DCDC1: variants seen among roughly 807,000 people sequenced by gnomAD.
DCDC1 encodes doublecortin domain-containing protein 1.
A neutral mutation model predicts 178.3 loss-of-function variants in DCDC1; 200 were observed. The ratio of observed to expected loss-of-function variants is 1.12; its 90% CI spans 1.00 to 1.26. The LOEUF is 1.26. Ranked by LOEUF, DCDC1 falls within the 50% of genes most tolerant of loss-of-function variation. The probability of loss-of-function intolerance (pLI) is 0.00; values close to 1 mark genes in which losing one functional copy is unlikely to be tolerated. For synonymous variants in DCDC1, 690 were observed against 604.8 expected (o/e 1.14, Z -2.07); for missense variants, 1,983 against 1,749.2 (o/e 1.13, Z -2.38).
intron 20 of DCDC1, among the ~76,000 whole-genome samples, chr11:30,964,242 T>C (rs1350238225): frequency 6.6e-6 from 1 of 152,148 alleles, no homozygotes; most frequent in African/African-American, 2.4e-5. Flanking sequence ...AAGAGATGCT[T>C]ACACATTTGT....
intron 25 of DCDC1, among the ~76,000 whole-genome samples, chr11:30,920,428 G>A (rs903810532): frequency 6.6e-6 from 1 of 152,186 alleles, no homozygotes; most frequent in African/African-American, 2.4e-5. Context: ...ATATTAACAT[G>A]TGTCAACTTG....
intron 21 of DCDC1, among the ~76,000 whole-genome samples, chr11:30,936,419 C>A (rs1006334084): frequency 6.6e-6 from 1 of 152,102 alleles, no homozygotes; most frequent in African/African-American, 2.4e-5. Flanking sequence ...TTCTACCTTT[C>A]CAGAGGAAGG....
intron 6 of DCDC1, among the ~76,000 whole-genome samples, chr11:31,301,508 T>C (rs575394432): frequency 2.0e-5 from 3 of 152,296 alleles, no homozygotes; most frequent in Admixed American, 1.3e-4. Flanking sequence ...ATTTGTGCTT[T>C]TAACATAACA....
At chr11:31,360,001 A>T (rs1039624759) in intron 1 of DCDC1, among the ~76,000 whole-genome samples, 1 of 152,212 alleles carries the variant, frequency 6.6e-6, no homozygotes, top group African/African-American at 2.4e-5. Context: ...TGTTAAAAGG[A>T]TCAAATGAAA....
intron 20 of DCDC1, among the ~76,000 whole-genome samples, chr11:31,006,530 C>T (rs1398938069): frequency 1.3e-5 from 2 of 152,204 alleles, no homozygotes; most frequent in South Asian, 4.1e-4. Flanking sequence ...CATCTTCCTG[C>T]TCTGCCACTT....
intron 9 of DCDC1, among the ~76,000 whole-genome samples, chr11:31,188,427 A>G (rs1394256873): frequency 1.3e-5 from 2 of 152,176 alleles, no homozygotes; most frequent in African/African-American, 4.8e-5. Context: ...AACAAGACAA[A>G]GCCTCTGCTC....
intron 20 of DCDC1, among the ~76,000 whole-genome samples, chr11:31,040,438 T>C (rs1954367259): frequency 6.6e-6 from 1 of 152,160 alleles, no homozygotes; most frequent in Admixed American, 6.5e-5. Context: ...GAGATGCGCA[T>C]GCTGCTGGTG....
chr11:30,927,802 C>T (rs774829566), intron 22 of DCDC1, among the ~76,000 whole-genome samples: 1 of 151,978 alleles, frequency 6.6e-6, no homozygotes, highest in Non-Finnish European at 1.5e-5. Context: ...ATTAAATAAC[C>T]AAAGATAGCA....
chr11:30,996,825 A>C (rs1485959189), intron 20 of DCDC1, among the ~76,000 whole-genome samples: 1 of 152,248 alleles, frequency 6.6e-6, no homozygotes, highest in African/African-American at 2.4e-5. Flanking sequence ...CACATGGTCC[A>C]GCAATCACAC....
chr11:31,327,981 C>T (rs1486871743), intron 3 of DCDC1, 136 bp downstream of exon 3: 11 of 799,106 alleles, frequency 1.4e-5, no homozygotes, highest in Non-Finnish European at 1.7e-5. Context: ...CCACCTGCCT[C>T]GGCCTCCCAA....
intron 15 of DCDC1, among the ~76,000 whole-genome samples, chr11:31,097,252 T>C (rs1958222742): frequency 6.6e-6 from 1 of 152,240 alleles, no homozygotes; most frequent in Non-Finnish European, 1.5e-5. Flanking sequence ...CCTTCAATAT[T>C]CTTGTGCAAA....
chr11:30,981,712 G>T (rs375214311), intron 20 of DCDC1, among the ~76,000 whole-genome samples: 4 of 152,236 alleles, frequency 2.6e-5, no homozygotes, highest in East Asian at 3.9e-4. Flanking sequence ...AGGTGGAAAG[G>T]CTGTGTTTTA....
At chr11:31,345,659 A>C (rs1486908383) in intron 1 of DCDC1, among the ~76,000 whole-genome samples, 1 of 152,160 alleles carries the variant, frequency 6.6e-6, no homozygotes. Flanking sequence ...TAAAATTAAG[A>C]TTTATACTTC....
chr11:31,172,000 T>G (rs569006420), intron 9 of DCDC1, among the ~76,000 whole-genome samples: 5 of 152,276 alleles, frequency 3.3e-5, no homozygotes, highest in African/African-American at 1.2e-4. Context: ...ATATTTTACT[T>G]TATATAATAC....
intron 20 of DCDC1, among the ~76,000 whole-genome samples, chr11:31,016,916 T>C (rs1952513930): frequency 6.6e-6 from 1 of 152,202 alleles, no homozygotes; most frequent in Non-Finnish European, 1.5e-5. Context: ...TCTGGCTGAA[T>C]GCAGGAGAAA....
At chr11:30,934,663 C>G (rs1236289698) in intron 21 of DCDC1, among the ~76,000 whole-genome samples, 1 of 152,158 alleles carries the variant, frequency 6.6e-6, no homozygotes, top group African/African-American at 2.4e-5. Flanking sequence ...TTTCCCCAAG[C>G]ATCCTTATCC....
intron 20 of DCDC1, among the ~76,000 whole-genome samples, chr11:31,002,183 T>A (rs1016518702): frequency 6.6e-6 from 1 of 152,174 alleles, no homozygotes; most frequent in African/African-American, 2.4e-5. Flanking sequence ...AAGTAAAAAA[T>A]TTATCTTCAG....
In DCDC1 at chr11:31,102,153, A is replaced by G. The variant is rs779910286; in HGVS notation, c.1983+24T>C. ...GTCCAATACATAAAGTGCACCTTTT[A>G]AAGTACAATAACTAAAATCCCACCT... is the stretch of plus-strand genomic sequence containing the variant. On this transcript the variant is annotated intron_variant, in intron 15 of 38. Coordinates refer to ENST00000684477, the MANE Select transcript of DCDC1 (RefSeq NM_001387274.1). 10 of 656,160 alleles carry G rather than the reference A, an allele frequency of 1.5e-5. No individual in the cohort carries two copies. The African/African-American group carries it at 1.8e-4, about 12-fold the overall frequency. 40.6% of individuals were successfully genotyped at this position (656,160 alleles called of 1,614,324 possible). A position where few individuals can be genotyped will look rare whatever the true frequency, so the allele number is the denominator to read the frequency against.
chr11:31,202,156 G>A (rs1005894236), intron 9 of DCDC1, among the ~76,000 whole-genome samples: 1 of 152,148 alleles, frequency 6.6e-6, no homozygotes, highest in Non-Finnish European at 1.5e-5. Flanking sequence ...ATGCACCCAG[G>A]TACCCTGCAC....
Sources: allele counts gnomAD v4.1 joint callset (sites outside exome capture counted in the v4.1 genomes callset), GRCh38; gene constraint gnomAD v4.1.1; transcripts MANE v1.5; gene names NCBI Gene and HGNC (gene_info 2026-07-23, HGNC 2026-07-21).